The following TDRD10 variants were observed in gnomAD, a reference collection of about 807,000 sequenced individuals.
TDRD10 encodes the protein tudor domain-containing protein 10.
A neutral mutation model predicts 48.0 loss-of-function variants in TDRD10; 40 were observed. That is an observed-to-expected ratio of 0.83 (90% CI 0.65 to 1.09). TDRD10 has a LOEUF of 1.09. Among genes scored for constraint, TDRD10 ranks in the 50% least tolerant of loss-of-function variants. The pLI is 0.00. For synonymous variants in TDRD10, 162 were observed against 170.4 expected (o/e 0.95, Z 0.38); for missense variants, 378 against 434.7 (o/e 0.87, Z 1.16).
intron 4 of TDRD10, among the ~76,000 whole-genome samples, chr1:154,514,388 A>C (rs753207190): frequency 3.9e-5 from 6 of 152,140 alleles, no homozygotes; most frequent in Non-Finnish European, 8.8e-5. Context: ...TTTGAGGAGT[A>C]GGCTAAAGTA....
At chr1:154,506,740 C>T (rs1378563276) in intron 1 of TDRD10, 137 bp from the exon 2 acceptor site, 13 of 724,658 alleles carry the variant, frequency 1.8e-5, no homozygotes, top group East Asian at 2.6e-5. Context: ...CTAATACATT[C>T]ATAGGTTCTA....
intron 4 of TDRD10, among the ~76,000 whole-genome samples, chr1:154,512,972 GC>G (rs1164305664): frequency 3.9e-5 from 6 of 152,200 alleles, no homozygotes; most frequent in Admixed American, 3.9e-4. Flanking sequence ...TTTCAGAATA[GC>G]CTAGTGGCCG....
rs978647333 is a variant in TDRD10 at position 154,542,809 on chromosome 1, C to T, written c.491C>T (p.Pro164Leu). ...EKLRAAFFAV[P>L]LEMRGSFLVL... Reference sequence around the variant, plus strand: ...CTGAGGGCAGCCTTCTTTGCAGTCCCGTTGGAAATGAGGTGAGCAAGGTAT... The same window carrying T: ...CTGAGGGCAGCCTTCTTTGCAGTCCTGTTGGAAATGAGGTGAGCAAGGTAT... Residue 164 changes from proline (P) to leucine (L), a missense_variant, in exon 8 of 13, where the codon CCG becomes CTG. This residue lies in a region of TDRD10 where 310 missense variants were observed against 323.6 expected (regional missense o/e 0.96). Coordinates refer to ENST00000368482, the MANE Select transcript of TDRD10 (RefSeq NM_182499.4). 9.9e-6 allele frequency: 16 copies of T among 1,613,476 alleles called. No homozygotes were observed. In the African/African-American group the frequency reaches 1.1e-4, roughly 11 times the overall value.
At chr1:154,544,176 A>G in intron 9 of TDRD10, 66 bp downstream of exon 9, 9 of 1,609,290 alleles carry the variant, frequency 5.6e-6, no homozygotes, top group East Asian at 2.2e-5. Context: ...TAGGGTGGGC[A>G]TGGTGACGGG....
chr1:154,538,067 A>G (rs1430078490), intron 6 of TDRD10, among the ~76,000 whole-genome samples: 1 of 152,204 alleles, frequency 6.6e-6, no homozygotes, highest in Non-Finnish European at 1.5e-5. Flanking sequence ...CTGTTGGATG[A>G]TAATTATGTA....
Position 154,515,422 on chromosome 1 carries a change from C to T in TDRD10, c.142-4882C>T, listed in dbSNP as rs117622154. On this transcript the variant is annotated intron_variant, in intron 4 of 12. Transcript: ENST00000368482. Reference sequence around the variant, plus strand: ...TCAGAAGCCTCCAGTGGCTTCCCTTCTTATTTAGGAAGAGCAGAATCCCTT... The same window carrying T: ...TCAGAAGCCTCCAGTGGCTTCCCTTTTTATTTAGGAAGAGCAGAATCCCTT... Among the ~76,000 whole-genome samples, 1,344 of 152,318 alleles carry T rather than the reference C, an allele frequency of 8.8e-3. 47 individuals carry two copies. The highest frequency in any genetic ancestry group is 0.067 in the East Asian group (346 of 5,184).
At chr1:154,545,384 A>T (rs1695492498) in intron 11 of TDRD10, among the ~76,000 whole-genome samples, 1 of 152,122 alleles carries the variant, frequency 6.6e-6, no homozygotes, top group Non-Finnish European at 1.5e-5. Flanking sequence ...CACTCTCCTA[A>T]TGTGATTCAT....
intron 4 of TDRD10, among the ~76,000 whole-genome samples, chr1:154,517,327 A>G (rs1427077473): frequency 6.6e-6 from 1 of 152,096 alleles, no homozygotes; most frequent in Non-Finnish European, 1.5e-5. Context: ...GGCTGTTACA[A>G]TATTCTTTTG....
chr1:154,521,544 T>C (rs1303181597), intron 6 of TDRD10, 65 bp downstream of exon 6: 3 of 1,531,852 alleles, frequency 2.0e-6, no homozygotes, highest in East Asian at 4.5e-5. Context: ...TGGCTGACTT[T>C]GCTTTCAGTG....
chr1:154,520,328 G>A lies in TDRD10; in HGVS notation c.166G>A (p.Asp56Asn), dbSNP rs1419787860. The A allele has an allele frequency of 6.2e-7, 1 of 1,613,788 alleles. No individual in the cohort carries two copies. The highest frequency in any genetic ancestry group is 1.7e-5 in the Admixed American group (1 of 60,008). ...GGAGGAAATTCTGTACCTTCTAAAG[G>A]ACTTCAACCCTCTTGATGTCCACAA... ...SKEEILYLLK[D>N]FNPLDVHKIQ... Residue 56 changes from aspartate (D) to asparagine (N), a missense_variant, in exon 5 of 13, where the codon GAC becomes AAC. By Grantham distance (23) the Asp-to-Asn change is conservative. Coordinates refer to ENST00000368482, the MANE Select transcript of TDRD10 (RefSeq NM_182499.4).
At chr1:154,504,113 T>C (rs1693011345) in intron 1 of TDRD10, among the ~76,000 whole-genome samples, 1 of 152,240 alleles carries the variant, frequency 6.6e-6, no homozygotes, top group Non-Finnish European at 1.5e-5. Context: ...GTCAGGACTT[T>C]TCAGAGAAGT....
intron 2 of TDRD10, 109 bp downstream of exon 2, chr1:154,507,014 C>G: frequency 6.2e-7 from 1 of 1,605,004 alleles, no homozygotes. Flanking sequence ...CCCCTGGCAT[C>G]TCTTGCCAGT....
At chr1:154,532,005 C>T (rs1314552046) in intron 6 of TDRD10, among the ~76,000 whole-genome samples, 3 of 152,222 alleles carry the variant, frequency 2.0e-5, no homozygotes, top group Admixed American at 6.5e-5. Flanking sequence ...ACCCACTAGA[C>T]TCAGGAACCC....
intron 6 of TDRD10, among the ~76,000 whole-genome samples, chr1:154,527,549 ATATCTT>A (rs1468487523): frequency 1.3e-5 from 2 of 152,226 alleles, no homozygotes; most frequent in African/African-American, 4.8e-5. Context: ...ATGTAGCAGA[ATATCTT>A]TACGATCTCA....
intron 6 of TDRD10, among the ~76,000 whole-genome samples, chr1:154,528,450 T>G (rs1042748650): frequency 6.6e-6 from 1 of 151,810 alleles, no homozygotes; most frequent in Non-Finnish European, 1.5e-5. Flanking sequence ...GGTCTAGAAC[T>G]CCTGACCTCA....
chr1:154,509,926 A>C (rs1202543738), intron 4 of TDRD10: 1 of 947,478 alleles, frequency 1.1e-6, no homozygotes, highest in East Asian at 1.2e-4. Context: ...AGTAGACCCC[A>C]TTCCAGAGCC....
intron 4 of TDRD10, among the ~76,000 whole-genome samples, chr1:154,517,624 G>A (rs1049610687): frequency 6.6e-6 from 1 of 152,084 alleles, no homozygotes; most frequent in Admixed American, 6.5e-5. Context: ...GTTTCACCAT[G>A]TTGGTCAGGC....
chr1:154,542,019 C>CCCA lies in TDRD10; in HGVS notation c.370-4_370-2dup. The stretch of plus-strand genomic sequence containing the variant: ...CTGAGTGAGACCTTTCATTTTTCTT[C>CCCA]CCAGGTGTTGGAGAAGGCTTCTGGT... On this transcript the variant is annotated splice_polypyrimidine_tract_variant and splice_region_variant and intron_variant, in intron 6 of 12. Transcript: ENST00000368482. 1 of 1,613,598 alleles carries CCCA rather than the reference C, an allele frequency of 6.2e-7. No individual in the cohort carries two copies. Among genetic ancestry groups the CCCA allele is most frequent in the Non-Finnish European group, 8.5e-7 (1 of 1,179,754 alleles).
At chr1:154,525,872 G>GTGACAGAGT in intron 6 of TDRD10, among the ~76,000 whole-genome samples, 2 of 136,616 alleles carry the variant, frequency 1.5e-5, no homozygotes, top group African/African-American at 5.6e-5. Context: ...CTCCAGCCTG[G>GTGACAGAGT]GCAACAGAGC....
Sources: allele counts gnomAD v4.1 joint callset (sites outside exome capture counted in the v4.1 genomes callset), GRCh38; gene constraint gnomAD v4.1.1; regional missense constraint gnomAD v4.1.1; transcripts MANE v1.5; gene names NCBI Gene and HGNC (gene_info 2026-07-23, HGNC 2026-07-21).